The following CSF3R variants were observed in gnomAD, a reference collection of about 807,000 sequenced individuals.
The protein encoded by CSF3R is granulocyte colony-stimulating factor receptor.
Under a neutral mutation model 84.4 loss-of-function variants are expected in CSF3R, and 52 were observed. That is an observed-to-expected ratio of 0.62 (90% confidence interval 0.49 to 0.78). The LOEUF is 0.78. CSF3R is among the 30% of genes least tolerant of loss of function. The pLI, the probability that CSF3R is intolerant of heterozygous loss-of-function variation, is 0.00. For missense variants in CSF3R, 890 were observed against 1,055.7 expected (o/e 0.84, Z 2.17); for synonymous variants, 384 against 429.1 (o/e 0.89, Z 1.30).
At chr1:36,473,187 G>A (rs1321483026) in intron 6 of CSF3R, 6 of 568,428 alleles carry the variant, frequency 1.1e-5, no homozygotes, top group Admixed American at 9.3e-5. Context: ...TGTAGTGGGT[G>A]CTTTAGGAAA....
Position 36,475,313 on chromosome 1 carries a change from A to G in CSF3R, c.361+64T>C, listed in dbSNP as rs1651056691. 4 of 1,595,420 alleles carry G rather than the reference A, an allele frequency of 2.5e-6. No homozygotes were observed. The Admixed American group carries it at 5.0e-5, about 20-fold the overall frequency. On this transcript the variant is annotated intron_variant, in intron 4 of 16. Transcript: ENST00000373106. ...TGAGCCAACGTGCCCGGCTGGTAAT[A>G]TTCTTATTAGTATTGGCAGGAGGGT...
Position 36,468,094 on chromosome 1 carries a change from G to T in CSF3R, c.1704C>A (p.Asn568Lys). 1.2e-6 allele frequency: 2 copies of T among 1,614,248 alleles called. No homozygotes were observed. Among genetic ancestry groups the T allele is most frequent in the Non-Finnish European group, 1.7e-6 (2 of 1,180,046 alleles). ...PLTHYTIFWTNAQNQSFSAIL... is the reference protein window; with the variant it reads ...PLTHYTIFWTKAQNQSFSAIL... ...ACTCACAGAAGGACTGGTTCTGAGC[G>T]TTGGTCCAGAAGATGGTGTAGTGGG... Residue 568 changes from asparagine to lysine, a missense_variant, in exon 13 of 17, where the codon AAC (asparagine) becomes AAA (lysine). Coordinates refer to ENST00000373106, the MANE Select transcript of CSF3R (RefSeq NM_000760.4).
chr1:36,469,005 A>G (rs2124106546), intron 12 of CSF3R, 151 bp downstream of exon 12: 3 of 671,854 alleles, frequency 4.5e-6, no homozygotes, highest in African/African-American at 3.6e-5. Context: ...GTAGGGATCC[A>G]GTGTAAGCCA....
rs754281164 is a variant in CSF3R at position 36,471,494 on chromosome 1, A to T, written c.1224T>A (p.Leu408=). The part of the protein sequence containing the change: ...HLPSEAQEVA[L]VAYNSAGTSR... ...AGGTCCCGGCTGAGTTATAGGCCAC[A>T]AGGGCCACCTCCTGGGCTTCTGAAG... Residue 408 remains leucine, a synonymous_variant, in exon 10 of 17, where the codon CTT becomes CTA. Transcript: ENST00000373106. 15 of 1,614,198 alleles carry T rather than the reference A, an allele frequency of 9.3e-6. No individual in the cohort carries two copies. The East Asian group carries it at 3.3e-4, about 36-fold the overall frequency.
In CSF3R at chr1:36,467,915, C is replaced by T. The variant is rs769348066; in HGVS notation, c.1771G>A (p.Glu591Lys). 6.8e-6 allele frequency: 11 copies of T among 1,614,068 alleles called. No individual in the cohort carries two copies. Among genetic ancestry groups the T allele is most frequent in the Admixed American group, 1.7e-5 (1 of 60,010 alleles). The change falls in exon 14 of 17, where the codon GAG becomes AAG. Residue 591 changes from glutamate to lysine, a missense_variant. By Grantham distance (56) the Glu-to-Lys change is moderately conservative (BLOSUM62 1). Transcript: ENST00000373106. This position sits in a 1 kb window ranked among gnomAD's most constrained non-coding sequence, Gnocchi z 4.1. ...SSRGFVLHGL[E>K]PASLYHIHLM... ...TGGATGTGATACAGACTGGCGGGCT[C>T]CAGGCCATGGAGGACAAAGCCACGG...
At chr1:36,470,313 T>C (rs1650627776) in intron 10 of CSF3R, among the ~76,000 whole-genome samples, 1 of 152,182 alleles carries the variant, frequency 6.6e-6, no homozygotes, top group Non-Finnish European at 1.5e-5. Flanking sequence ...GCCTCCCGAC[T>C]AGCTGGGATT....
In CSF3R at chr1:36,472,638, G is replaced by A. The variant is rs199991273; in HGVS notation, c.722C>T (p.Ala241Val). Residue 241 changes from alanine to valine, a missense_variant, in exon 7 of 17, where the codon GCG becomes GTG. By Grantham distance (64) the Ala-to-Val change is moderately conservative. Transcript: ENST00000373106. This position sits in a 1 kb window ranked among gnomAD's most constrained non-coding sequence, Gnocchi z 5.0. ...TAGGCAGCCTGCCTGGGGAGGGGCC[G>A]CTTCAGGGCTGGGGTCCATGGTCCG... ...MLRTMDPSPE[A>V]APPQAGCLQL... The A allele has an allele frequency of 5.1e-5, 82 of 1,611,244 alleles. No individual in the cohort carries two copies. Among genetic ancestry groups the A allele is most frequent in the Admixed American group, 1.8e-4 (11 of 59,858 alleles).
rs373426756 is a variant in CSF3R at position 36,469,121 on chromosome 1, G to A, written c.1576+35C>T. 14 of 1,470,954 alleles carry A rather than the reference G, an allele frequency of 9.5e-6. No homozygotes were observed. The African/African-American group carries it at 2.0e-4, about 20-fold the overall frequency. The allele number at this position is 1,470,954 out of a possible 1,614,324, so 91.1% of individuals were successfully genotyped here. A position where few individuals can be genotyped will look rare whatever the true frequency, so the allele number is the denominator to read the frequency against. On this transcript the variant is annotated intron_variant, in intron 12 of 16. Coordinates refer to ENST00000373106, the MANE Select transcript of CSF3R (RefSeq NM_000760.4). ...AGGCAGAGCCTTGGGAGAGAGAGGA[G>A]AGGATTCTGGAAAGGGGCCTGATAG... is the stretch of plus-strand genomic sequence containing the variant.
At position 36,472,385 on chromosome 1, in the gene CSF3R, G is replaced by A; in HGVS notation, c.850C>T (p.Pro284Ser). 6.2e-7 allele frequency: 1 copy of A among 1,614,002 alleles called. No individual in the cohort carries two copies. Among genetic ancestry groups the A allele is most frequent in the Non-Finnish European group, 8.5e-7 (1 of 1,180,016 alleles). ...TACTGAAGGGCCTCCAAGGGGAGGG[G>A]GCCCACCTGGTGAGGGGTGGACAGG... ...RGEASWALVG[P>S]LPLEALQYEL... Residue 284 changes from proline (P) to serine (S), a missense_variant, in exon 8 of 17, where the codon CCC becomes TCC. By Grantham distance (74) the Pro-to-Ser change is moderately conservative. Transcript: ENST00000373106. This position sits in a 1 kb window ranked among gnomAD's most constrained non-coding sequence, Gnocchi z 5.0.
chr1:36,467,450 G>T lies in CSF3R; in HGVS notation c.1958+108C>A. On this transcript the variant is annotated intron_variant, in intron 15 of 16. Transcript: ENST00000373106. The surrounding 1 kb of genome is among the most constrained non-coding windows in gnomAD (Gnocchi z 4.1). Reference sequence around the variant, plus strand: ...GCTGGGGGCTGGGACTCTCAGACATGGGCCCCAAAGTTTGGGAAGGCTGGA... The same window carrying T: ...GCTGGGGGCTGGGACTCTCAGACATTGGCCCCAAAGTTTGGGAAGGCTGGA... 7.1e-7 allele frequency: 1 copy of T among 1,414,750 alleles called. No homozygotes were observed. The highest frequency in any genetic ancestry group is 1.0e-6 in the Non-Finnish European group (1 of 1,000,388). 87.6% of individuals were successfully genotyped at this position (1,414,750 alleles called of 1,614,324 possible). A position where few individuals can be genotyped will look rare whatever the true frequency, so the allele number is the denominator to read the frequency against.
chr1:36,473,747 T>TG lies in CSF3R; in HGVS notation c.485+16dup. On this transcript the variant is annotated intron_variant, in intron 5 of 16. Transcript: ENST00000373106. ...AGAATCCAAAGGGAGGGGACCAAGGTGGGGGCCCCTCCTCACTTGAAACTC... is the reference window on the plus strand; with the variant it reads ...AGAATCCAAAGGGAGGGGACCAAGGTGGGGGGCCCCTCCTCACTTGAAACTC... The TG allele has an allele frequency of 6.2e-7, 1 of 1,614,080 alleles. No individual in the cohort carries two copies. Among genetic ancestry groups the TG allele is most frequent in the Non-Finnish European group, 8.5e-7 (1 of 1,180,002 alleles).
In CSF3R at chr1:36,469,728, G is replaced by A; in HGVS notation, c.1398C>T (p.Gly466=). 1 of 1,614,164 alleles carries A rather than the reference G, an allele frequency of 6.2e-7. No individual in the cohort carries two copies. Among genetic ancestry groups the A allele is most frequent in the Non-Finnish European group, 8.5e-7 (1 of 1,180,034 alleles). Residue 466 remains glycine, a synonymous_variant, in exon 11 of 17, where the codon GGC becomes GGT. Transcript: ENST00000373106. ...TGTTGCTATTGCTCGCGCTGGGGGG[G>A]CCCAGGCCCCACTCAATCACATAGC... ...PQGYVIEWGL[G]PPSASNSNKT...
chr1:36,472,900 A>C lies in CSF3R; in HGVS notation c.674-214T>G. 1.7e-6 allele frequency: 1 copy of C among 580,414 alleles called. No homozygotes were observed. The allele number at this position is 580,414 out of a possible 1,614,324, so 36.0% of individuals were successfully genotyped here. On this transcript the variant is annotated intron_variant, in intron 6 of 16. Coordinates refer to ENST00000373106, the MANE Select transcript of CSF3R (RefSeq NM_000760.4). The surrounding 1 kb of genome is among the most constrained non-coding windows in gnomAD (Gnocchi z 5.0). ...TGCACTGGTTGTTACTTCTGCTTGA[A>C]ATGTTTTCCCTCCAGATATCCAGCG...
At chr1:36,478,215 C>T (rs570514293) in intron 3 of CSF3R, among the ~76,000 whole-genome samples, 18 of 152,016 alleles carry the variant, frequency 1.2e-4, no homozygotes, top group Non-Finnish European at 2.5e-4. Flanking sequence ...TAAAAACAAG[C>T]AAAGCAAAAA....
chr1:36,475,689 A>T lies in CSF3R; in HGVS notation c.65-16T>A. On this transcript the variant is annotated splice_polypyrimidine_tract_variant and intron_variant, in intron 3 of 16. Transcript: ENST00000373106. ...TCCTCCAGACCTGGGGTGGAAGAGAATGGGCCAGGAACGACGCCTCTGCCT... is the reference window on the plus strand; with the variant it reads ...TCCTCCAGACCTGGGGTGGAAGAGATTGGGCCAGGAACGACGCCTCTGCCT... The T allele has an allele frequency of 6.2e-7, 1 of 1,603,174 alleles. No individual in the cohort carries two copies. The highest frequency in any genetic ancestry group is 8.5e-7 in the Non-Finnish European group (1 of 1,173,038).
At chr1:36,471,095 G>T (rs547407232) in intron 10 of CSF3R, among the ~76,000 whole-genome samples, 1 of 152,184 alleles carries the variant, frequency 6.6e-6, no homozygotes, top group Admixed American at 6.5e-5. Flanking sequence ...GCCCAGGCTA[G>T]AGTGTAATGG....
rs1027440534 is a variant in CSF3R, at chr1:36,472,671, G to A, written c.689C>T (p.Pro230Leu). 3 of 1,600,450 alleles carry A rather than the reference G, an allele frequency of 1.9e-6. No individual in the cohort carries two copies. The African/African-American group carries it at 4.0e-5, about 21-fold the overall frequency. The change falls in exon 7 of 17, where the codon CCC becomes CTC. Residue 230 changes from proline to leucine, a missense_variant. Transcript: ENST00000373106. This position sits in a 1 kb window ranked among gnomAD's most constrained non-coding sequence, Gnocchi z 5.0. ...GCTGGGGTCCATGGTCCGCAGCATG[G>A]GGGGCTCCAGTTTCACTGCAAGGAG... is the stretch of plus-strand genomic sequence containing the variant. ...DPMDVVKLEP[P>L]MLRTMDPSPE... is the part of the protein sequence containing the mutation.
At chr1:36,478,696 A>C (rs574821577) in intron 3 of CSF3R, among the ~76,000 whole-genome samples, 88 of 139,058 alleles carry the variant, frequency 6.3e-4, no homozygotes, top group Middle Eastern at 3.8e-3. Flanking sequence ...AAAAAATACA[A>C]CAACAAAAAA....
chr1:36,467,331 G>A lies in CSF3R; in HGVS notation c.1959-20C>T. The stretch of plus-strand genomic sequence containing the variant: ...TTCCTGCTGGAGAAGGGGGCAGGTG[G>A]AGGCTGAGTCAGACACACCCTCCGA... On this transcript the variant is annotated intron_variant, in intron 15 of 16. Transcript: ENST00000373106. This position sits in a 1 kb window ranked among gnomAD's most constrained non-coding sequence, Gnocchi z 4.1. 1 of 1,612,832 alleles carries A rather than the reference G, an allele frequency of 6.2e-7. No individual in the cohort carries two copies. The highest frequency in any genetic ancestry group is 8.5e-7 in the Non-Finnish European group (1 of 1,178,832).
Sources: allele counts gnomAD v4.1 joint callset (sites outside exome capture counted in the v4.1 genomes callset), GRCh38; gene constraint gnomAD v4.1.1; non-coding constraint Gnocchi (gnomAD v3.1); transcripts MANE v1.5; gene names NCBI Gene and HGNC (gene_info 2026-07-23, HGNC 2026-07-21).